RPS6KC1: variants seen among roughly 807,000 people sequenced by gnomAD.
The protein encoded by RPS6KC1 is ribosomal protein S6 kinase C1.
In RPS6KC1, 54 loss-of-function variants were observed where a neutral mutation model predicts 103.8. That is an observed-to-expected ratio of 0.52 (90% CI 0.42 to 0.65). The LOEUF (loss-of-function observed/expected upper bound fraction) is 0.65, where lower values mean the gene tolerates loss of function less well. Among genes scored for constraint, RPS6KC1 ranks in the 30% least tolerant of loss-of-function variants. RPS6KC1 has a pLI of 0.00. For synonymous variants in RPS6KC1, 439 were observed against 438.7 expected, an observed-to-expected ratio of 1.00 and a Z score of -0.01; for missense variants, 1,151 against 1,253.8, an observed-to-expected ratio of 0.92 and a Z score of 1.24.
chr1:213,158,552 C>CA (rs1433458815), intron 6 of RPS6KC1, among the ~76,000 whole-genome samples: 1 of 152,184 alleles, frequency 6.6e-6, no homozygotes, highest in Non-Finnish European at 1.5e-5. Flanking sequence ...TCAGGGAAAG[C>CA]AAAGTTTAAT....
At chr1:213,664,246 A>C in the RPS6KC1 span, among the ~76,000 whole-genome samples, 1 of 150,088 alleles carries the variant, frequency 6.7e-6, no homozygotes. Context: ...AAGAGGGGGC[A>C]GCGGGAAGCA....
chr1:213,311,274 G>T, the RPS6KC1 span, among the ~76,000 whole-genome samples: 2 of 151,990 alleles, frequency 1.3e-5, no homozygotes, highest in East Asian at 3.9e-4. Context: ...GAGTAGCTGG[G>T]ACTACAGGTG....
At chr1:213,407,038 G>A in the RPS6KC1 span, among the ~76,000 whole-genome samples, 25 of 152,114 alleles carry the variant, frequency 1.6e-4, no homozygotes, top group Non-Finnish European at 3.2e-4. Context: ...TGCTGGCCCA[G>A]GTGTGGGAGA....
At chr1:213,331,027 G>C in the RPS6KC1 span, among the ~76,000 whole-genome samples, 1 of 152,110 alleles carries the variant, frequency 6.6e-6, no homozygotes, top group Admixed American at 6.5e-5. Context: ...AGGATGTGAT[G>C]GTTGGCTTTT....
chr1:213,554,319 C>T, the RPS6KC1 span, among the ~76,000 whole-genome samples: 1 of 152,076 alleles, frequency 6.6e-6, no homozygotes. Flanking sequence ...TGTTGAAGAT[C>T]ACATGGTTAT....
the RPS6KC1 span, among the ~76,000 whole-genome samples, chr1:213,311,460 T>C: frequency 6.6e-6 from 1 of 152,086 alleles, no homozygotes; most frequent in Non-Finnish European, 1.5e-5. Flanking sequence ...TTTATCAGGG[T>C]TTACATATAC....
chr1:213,240,661 G>T, intron 10 of RPS6KC1, 41 bp from the exon 11 acceptor site: 1 of 1,499,548 alleles, frequency 6.7e-7, no homozygotes, highest in Non-Finnish European at 9.0e-7. Context: ...TCAATTTGGA[G>T]ATCTTAATAC....
At chr1:213,757,553 A>G in the RPS6KC1 span, among the ~76,000 whole-genome samples, 1 of 152,228 alleles carries the variant, frequency 6.6e-6, no homozygotes, top group African/African-American at 2.4e-5. Context: ...GGTTCATGAG[A>G]TTTCAGGAAA....
the RPS6KC1 span, among the ~76,000 whole-genome samples, chr1:213,724,916 G>T: frequency 2.6e-5 from 4 of 152,142 alleles, no homozygotes; most frequent in Admixed American, 2.6e-4. Flanking sequence ...AGAAACTGAG[G>T]CTTAGAGAGG....
At chr1:213,462,151 G>GA in the RPS6KC1 span, among the ~76,000 whole-genome samples, 1 of 152,080 alleles carries the variant, frequency 6.6e-6, no homozygotes, top group Non-Finnish European at 1.5e-5. Context: ...AGAAACATAT[G>GA]AAAAAAAGCT....
chr1:213,279,474 G>T (rs146608751), downstream of RPS6KC1, among the ~76,000 whole-genome samples: 3 of 152,280 alleles, frequency 2.0e-5, no homozygotes, highest in African/African-American at 7.2e-5. Flanking sequence ...TCCCCCATTG[G>T]TTGATAATGA....
chr1:213,468,574 A>G, the RPS6KC1 span, among the ~76,000 whole-genome samples: 1 of 152,220 alleles, frequency 6.6e-6, no homozygotes, highest in East Asian at 1.9e-4. Flanking sequence ...TGAGAAATCA[A>G]CAGAATTGTG....
intron 8 of RPS6KC1, among the ~76,000 whole-genome samples, chr1:213,182,777 C>T (rs572582296): frequency 3.4e-5 from 5 of 146,034 alleles, no homozygotes; most frequent in East Asian, 2.0e-4. Context: ...ACATATATAT[C>T]GATATATATG....
chr1:213,852,387 AT>A, the RPS6KC1 span, among the ~76,000 whole-genome samples: 925 of 147,492 alleles, frequency 6.3e-3, 11 homozygotes, highest in African/African-American at 0.021. Context: ...TCTTTACCTA[AT>A]TTTTTTTTTT....
chr1:213,758,091 G>T, the RPS6KC1 span, among the ~76,000 whole-genome samples: 1 of 152,136 alleles, frequency 6.6e-6, no homozygotes, highest in African/African-American at 2.4e-5. Context: ...GATGAATGTT[G>T]TTTCATGTTT....
chr1:213,465,589 TA>T, the RPS6KC1 span, among the ~76,000 whole-genome samples: 3 of 152,192 alleles, frequency 2.0e-5, no homozygotes, highest in Non-Finnish European at 4.4e-5. Flanking sequence ...AGGTGGTTTT[TA>T]AAAAACTCGT....
chr1:213,296,027 TA>T, the RPS6KC1 span, among the ~76,000 whole-genome samples: 4 of 152,134 alleles, frequency 2.6e-5, no homozygotes, highest in South Asian at 2.1e-4. Flanking sequence ...TTTATACCAG[TA>T]AAAAAAATGC....
chr1:213,421,510 T>C, the RPS6KC1 span, among the ~76,000 whole-genome samples: 2 of 152,354 alleles, frequency 1.3e-5, no homozygotes, highest in Non-Finnish European at 2.9e-5. Context: ...AAAATTTGAA[T>C]GAGACCAAAT....
chr1:213,808,770 C>T, the RPS6KC1 span, among the ~76,000 whole-genome samples: 6 of 152,246 alleles, frequency 3.9e-5, no homozygotes, highest in South Asian at 2.1e-4. Context: ...GGCTCGCACA[C>T]GGTGCGCTGC....
Sources: allele counts gnomAD v4.1 joint callset (sites outside exome capture counted in the v4.1 genomes callset), GRCh38; gene constraint gnomAD v4.1.1; transcripts MANE v1.5; gene names NCBI Gene and HGNC (gene_info 2026-07-23, HGNC 2026-07-21).